ZNF804B: variants seen among roughly 807,000 people sequenced by gnomAD.
ZNF804B encodes the protein zinc finger protein 804B, also known as zinc finger 804B.
A neutral mutation model predicts 101.4 loss-of-function variants in ZNF804B; 80 were observed. The observed-to-expected ratio is 0.79, with a 90% CI of 0.66 to 0.95. The LOEUF is 0.95. Among genes scored for constraint, ZNF804B ranks in the 40% least tolerant of loss-of-function variants. ZNF804B has a pLI of 0.00. For missense variants in ZNF804B, 1,673 were observed against 1,561.9 expected (o/e 1.07, Z -1.20); for synonymous variants, 622 against 558.8 (o/e 1.11, Z -1.59).
chr7:88,938,985 A>G (rs965543809), intron 1 of ZNF804B, among the ~76,000 whole-genome samples: 1 of 152,078 alleles, frequency 6.6e-6, no homozygotes, highest in African/African-American at 2.4e-5. Flanking sequence ...GTTCAATATT[A>G]CTGTTAAATA....
At chr7:89,299,130 T>C (rs780105867) in intron 2 of ZNF804B, among the ~76,000 whole-genome samples, 1 of 152,040 alleles carries the variant, frequency 6.6e-6, no homozygotes, top group Non-Finnish European at 1.5e-5. Flanking sequence ...CTACCATATA[T>C]ATAGATTGCT....
chr7:89,043,494 T>C (rs1189591354), intron 1 of ZNF804B, among the ~76,000 whole-genome samples: 1 of 152,212 alleles, frequency 6.6e-6, no homozygotes, highest in Non-Finnish European at 1.5e-5. Flanking sequence ...GAGTAGGCTA[T>C]AGAGTAAATT....
At chr7:88,938,937 C>T (rs999472029) in intron 1 of ZNF804B, among the ~76,000 whole-genome samples, 1 of 151,846 alleles carries the variant, frequency 6.6e-6, no homozygotes, top group Non-Finnish European at 1.5e-5. Flanking sequence ...AAAAAATAGA[C>T]AAAAATTTTG....
intron 2 of ZNF804B, among the ~76,000 whole-genome samples, chr7:89,309,590 T>C (rs1301099556): frequency 6.6e-6 from 1 of 151,394 alleles, no homozygotes; most frequent in East Asian, 2.0e-4. Context: ...TAAAACCCCA[T>C]CTCTACTAAA....
At chr7:89,135,955 T>TA (rs1335017964) in intron 1 of ZNF804B, among the ~76,000 whole-genome samples, 1 of 152,098 alleles carries the variant, frequency 6.6e-6, no homozygotes, top group East Asian at 1.9e-4. Flanking sequence ...ATAGATCAGA[T>TA]AAAGTAGAAA....
At chr7:88,881,225 A>G (rs1372186914) in intron 1 of ZNF804B, among the ~76,000 whole-genome samples, 1 of 152,136 alleles carries the variant, frequency 6.6e-6, no homozygotes, top group African/African-American at 2.4e-5. Flanking sequence ...GCTAATTTTC[A>G]TACAACTTTA....
intron 1 of ZNF804B, among the ~76,000 whole-genome samples, chr7:89,178,132 T>G (rs1788233906): frequency 6.6e-6 from 1 of 152,146 alleles, no homozygotes; most frequent in Non-Finnish European, 1.5e-5. Flanking sequence ...TATCTTTTTC[T>G]ATTCTTTCAT....
At chr7:89,171,404 T>TCTTCTTCC (rs1791233400) in intron 1 of ZNF804B, among the ~76,000 whole-genome samples, 1 of 78,704 alleles carries the variant, frequency 1.3e-5, no homozygotes, top group African/African-American at 4.3e-5. Context: ...CCTCTTCTTC[T>TCTTCTTCC]TCTTCTTCTT....
At position 89,172,620 on chromosome 7, in the gene ZNF804B, A is replaced by G. The variant is rs533116274; in HGVS notation, c.109-45535A>G. Among the ~76,000 whole-genome samples, 21 of 152,336 alleles carry G rather than the reference A, an allele frequency of 1.4e-4. No homozygotes were observed. The East Asian group carries it at 2.3e-3, about 17-fold the overall frequency. ...GTTTTATAGCAATGTAACAAATTTA[A>G]TGTTCTTAATATACCCTTGTAGAAC... On this transcript the variant is annotated intron_variant, in intron 1 of 3. Transcript: ENST00000333190.
intron 1 of ZNF804B, among the ~76,000 whole-genome samples, chr7:89,059,618 T>C (rs1291047322): frequency 6.6e-6 from 1 of 152,128 alleles, no homozygotes; most frequent in Non-Finnish European, 1.5e-5. Context: ...CAACATGAGA[T>C]TTAGAAGGGG....
At chr7:89,125,311 TA>T (rs554999399) in intron 1 of ZNF804B, among the ~76,000 whole-genome samples, 174 of 100,704 alleles carry the variant, frequency 1.7e-3, no homozygotes, top group African/African-American at 8.2e-3. Flanking sequence ...ATCATGAAGA[TA>T]TAGATATTGA....
At chr7:88,942,826 A>T (rs184948255) in intron 1 of ZNF804B, among the ~76,000 whole-genome samples, 2 of 151,964 alleles carry the variant, frequency 1.3e-5, no homozygotes, top group East Asian at 3.9e-4. Flanking sequence ...TGATTTTATC[A>T]CTGCCTCTTT....
At chr7:89,306,053 A>G (rs946786149) in intron 2 of ZNF804B, among the ~76,000 whole-genome samples, 3 of 151,946 alleles carry the variant, frequency 2.0e-5, no homozygotes, top group African/African-American at 2.4e-5. Flanking sequence ...AAAATAGACT[A>G]AACAAAATAA....
chr7:89,221,658 A>G (rs890688937), intron 2 of ZNF804B, among the ~76,000 whole-genome samples: 4 of 151,724 alleles, frequency 2.6e-5, no homozygotes, highest in Admixed American at 6.6e-5. Context: ...TCTATTAGCT[A>G]TCTAACATGT....
intron 2 of ZNF804B, among the ~76,000 whole-genome samples, chr7:89,225,426 C>G (rs1490816214): frequency 1.3e-5 from 2 of 152,116 alleles, no homozygotes; most frequent in African/African-American, 4.8e-5. Flanking sequence ...TCATACTCCA[C>G]TCCCAGCTAT....
At chr7:89,269,641 T>C (rs1789852952) in intron 2 of ZNF804B, among the ~76,000 whole-genome samples, 1 of 152,196 alleles carries the variant, frequency 6.6e-6, no homozygotes, top group Non-Finnish European at 1.5e-5. Context: ...ATCGCCACAC[T>C]GACTTCCACA....
At chr7:88,984,674 C>G (rs545065041) in intron 1 of ZNF804B, among the ~76,000 whole-genome samples, 6 of 152,108 alleles carry the variant, frequency 3.9e-5, no homozygotes, top group African/African-American at 1.4e-4. Context: ...CAAGTTAGCT[C>G]TCCAGAGCAA....
chr7:89,034,970 T>C lies in ZNF804B; in HGVS notation c.109-183185T>C, dbSNP rs549147632. Among the ~76,000 whole-genome samples, 4 of 152,244 alleles carry C rather than the reference T, an allele frequency of 2.6e-5. No individual in the cohort carries two copies. The East Asian group carries it at 7.7e-4, about 29-fold the overall frequency. On this transcript the variant is annotated intron_variant, in intron 1 of 3. Coordinates refer to ENST00000333190, the MANE Select transcript of ZNF804B (RefSeq NM_181646.5). The stretch of plus-strand genomic sequence containing the variant: ...GATGTTAGTTTATTATACTCTAAGA[T>C]CTATTGAGGAAACTGCAGTGTGAAT...
intron 1 of ZNF804B, among the ~76,000 whole-genome samples, chr7:89,002,118 A>G (rs1054347386): frequency 5.9e-5 from 9 of 151,686 alleles, no homozygotes; most frequent in Non-Finnish European, 8.9e-5. Context: ...ATATATTTTT[A>G]ACATTGAGAT....
Sources: gnomAD v4.1 joint callset for allele counts (sites outside exome capture counted in the v4.1 genomes callset) on GRCh38, gnomAD v4.1.1 for gene constraint, MANE v1.5 for transcripts, NCBI Gene and HGNC (gene_info 2026-07-23, HGNC 2026-07-21) for gene names.